The following PLXNA4 variants were observed in gnomAD, a reference collection of about 807,000 sequenced individuals.
PLXNA4 encodes plexin A4, also known as plexin-A4.
Under a neutral mutation model 191.8 loss-of-function variants are expected in PLXNA4, and 44 were observed. The observed-to-expected ratio is 0.23, with a 90% CI of 0.18 to 0.29. PLXNA4 has a LOEUF of 0.29. Ranked by LOEUF, PLXNA4 falls within the 10% of genes least tolerant of loss-of-function variation. The probability of loss-of-function intolerance (pLI) is 1.00; values close to 1 mark genes in which losing one functional copy is unlikely to be tolerated. For synonymous variants in PLXNA4, 1,082 were observed against 1,009.5 expected (o/e 1.07, Z -1.36); for missense variants, 1,800 against 2,488.8 (o/e 0.72, Z 5.89).
chr7:132,189,300 A>T lies in PLXNA4; in HGVS notation c.2857-1693T>A, dbSNP rs559111188. Among the ~76,000 whole-genome samples the T allele has an allele frequency of 3.9e-5, 6 of 152,138 alleles. No homozygotes were observed. In the South Asian group the frequency reaches 8.3e-4, roughly 21 times the overall value. On this transcript the variant is annotated intron_variant, in intron 14 of 31. Transcript: ENST00000321063. Reference sequence around the variant, plus strand: ...TTAGAGTTGTGAGAAGCTATTAATTATTCAAGCCATGCTTCATAAATATTT... The same window carrying T: ...TTAGAGTTGTGAGAAGCTATTAATTTTTCAAGCCATGCTTCATAAATATTT...
At chr7:132,580,367 G>A (rs1216253214), upstream of PLXNA4, among the ~76,000 whole-genome samples, 2 of 152,030 alleles carry the variant, frequency 1.3e-5, no homozygotes, top group African/African-American at 4.8e-5. Flanking sequence ...CCTCTCCCTT[G>A]GTGAGGGCTA....
chr7:132,230,930 C>G (rs1271606677), intron 5 of PLXNA4, among the ~76,000 whole-genome samples: 1 of 152,200 alleles, frequency 6.6e-6, no homozygotes, highest in African/African-American at 2.4e-5. Context: ...GACTCTATCT[C>G]TCTTCCAGGG....
chr7:132,565,158 C>T (rs1801663409), intron 1 of PLXNA4, among the ~76,000 whole-genome samples: 1 of 152,148 alleles, frequency 6.6e-6, no homozygotes, highest in Non-Finnish European at 1.5e-5. Flanking sequence ...CTCACCCAAC[C>T]CTTTAATATG....
At chr7:132,647,284 C>G (rs995089521) in intron 1 of PLXNA4, among the ~76,000 whole-genome samples, 2 of 151,340 alleles carry the variant, frequency 1.3e-5, no homozygotes, top group African/African-American at 4.9e-5. Flanking sequence ...TATACATTCA[C>G]AAACCCACAC....
chr7:132,305,602 C>T (rs1403127634), intron 3 of PLXNA4, among the ~76,000 whole-genome samples: 4 of 152,200 alleles, frequency 2.6e-5, no homozygotes, highest in South Asian at 2.1e-4. Flanking sequence ...ACATCAGCAG[C>T]GTGGCCTCCG....
chr7:132,231,376 C>A (rs1421794036), intron 5 of PLXNA4, among the ~76,000 whole-genome samples: 1 of 152,186 alleles, frequency 6.6e-6, no homozygotes, highest in Admixed American at 6.5e-5. Flanking sequence ...GTAGCTGATG[C>A]AGAACCACAG....
chr7:132,354,529 C>T (rs1381945434), intron 3 of PLXNA4, among the ~76,000 whole-genome samples: 1 of 152,150 alleles, frequency 6.6e-6, no homozygotes, highest in Non-Finnish European at 1.5e-5. Context: ...ATCATCAGCG[C>T]TATTTAGCTC....
At chr7:132,494,700 C>T (rs1316219659) in intron 2 of PLXNA4, among the ~76,000 whole-genome samples, 1 of 152,192 alleles carries the variant, frequency 6.6e-6, no homozygotes, top group African/African-American at 2.4e-5. Flanking sequence ...AATTACGTGT[C>T]GCCACATACA....
At chr7:132,403,437 C>A (rs566992912) in intron 3 of PLXNA4, among the ~76,000 whole-genome samples, 1 of 152,158 alleles carries the variant, frequency 6.6e-6, no homozygotes, top group African/African-American at 2.4e-5. Context: ...AGGCAGGTAA[C>A]GGGAGGGGGC....
chr7:132,619,304 G>T (rs1803214863), intron 2 of PLXNA4, among the ~76,000 whole-genome samples: 1 of 151,982 alleles, frequency 6.6e-6, no homozygotes, highest in African/African-American at 2.4e-5. Flanking sequence ...AATTTTATAT[G>T]GGGACAAGAA....
At chr7:132,468,745 CACACACACACAAT>C (rs1219155260) in intron 3 of PLXNA4, among the ~76,000 whole-genome samples, 1 of 151,964 alleles carries the variant, frequency 6.6e-6, no homozygotes, top group Admixed American at 6.6e-5. Flanking sequence ...CACACACACA[CACACACACACAAT>C]ACACACACAC....
intron 3 of PLXNA4, among the ~76,000 whole-genome samples, chr7:132,482,504 C>G (rs552240510): frequency 6.6e-6 from 1 of 152,254 alleles, no homozygotes; most frequent in East Asian, 1.9e-4. Context: ...CCAGCCAATA[C>G]CATGACCCTA....
At chr7:132,479,611 G>T (rs1463459498) in intron 3 of PLXNA4, among the ~76,000 whole-genome samples, 1 of 152,170 alleles carries the variant, frequency 6.6e-6, no homozygotes, top group Non-Finnish European at 1.5e-5. Flanking sequence ...AGTGGTTTTG[G>T]GGGGAAGAGG....
intron 3 of PLXNA4, among the ~76,000 whole-genome samples, chr7:132,440,473 G>A (rs1465545268): frequency 2.0e-5 from 3 of 152,134 alleles, no homozygotes; most frequent in African/African-American, 7.2e-5. Flanking sequence ...CTGTGGCAGA[G>A]GATAGCAATT....
At chr7:132,185,515 G>A in intron 15 of PLXNA4, 52 bp from the exon 16 acceptor site, 1 of 1,566,954 alleles carries the variant, frequency 6.4e-7, no homozygotes, top group Non-Finnish European at 8.6e-7. Context: ...GGAGGACAGA[G>A]GTCCTGAGTC....
rs1794718011 is a variant in PLXNA4, at chr7:132,124,553, A to G, written c.*5926T>C. The G allele has an allele frequency of 6.6e-6, 1 of 152,266 alleles. No individual in the cohort carries two copies. The highest frequency in any genetic ancestry group is 2.1e-4 in the South Asian group (1 of 4,836). 9.4% of individuals were successfully genotyped at this position (152,266 alleles called of 1,614,324 possible). ...AACAAAGGAAGTTCTAATTCCAAATAAAGAAATTGCTGGAAGAAGAGCTGC... is the reference window on the plus strand; with the variant it reads ...AACAAAGGAAGTTCTAATTCCAAATGAAGAAATTGCTGGAAGAAGAGCTGC... On this transcript the variant is annotated 3_prime_UTR_variant, in exon 32 of 32. Transcript: ENST00000321063.
At chr7:132,380,904 G>A (rs929755778) in intron 3 of PLXNA4, among the ~76,000 whole-genome samples, 2 of 152,212 alleles carry the variant, frequency 1.3e-5, no homozygotes, top group African/African-American at 4.8e-5. Flanking sequence ...AGTAAATTAG[G>A]CAGGATACCA....
rs1800883358 is a variant in PLXNA4, at chr7:132,558,163, C to G, written c.-87+18259G>C. ...TGTCTGCACACAAAAATGCCCAGACCTGGCATGTGGCTAAGTCTACTTGTA... is the reference window on the plus strand; with the variant it reads ...TGTCTGCACACAAAAATGCCCAGACGTGGCATGTGGCTAAGTCTACTTGTA... On this transcript the variant is annotated intron_variant, in intron 1 of 31. Coordinates refer to ENST00000321063, the MANE Select transcript of PLXNA4 (RefSeq NM_020911.2). Among the ~76,000 whole-genome samples, 3 of 152,218 alleles carry G rather than the reference C, an allele frequency of 2.0e-5. No individual in the cohort carries two copies. In the South Asian group the frequency reaches 6.2e-4, roughly 31 times the overall value.
intron 3 of PLXNA4, among the ~76,000 whole-genome samples, chr7:132,462,931 C>A (rs1167468328): frequency 6.7e-6 from 1 of 149,902 alleles, no homozygotes; most frequent in African/African-American, 2.5e-5. Context: ...CTCACTGCAA[C>A]CTCTGCCTGT....
Sources: gnomAD v4.1 joint callset for allele counts (sites outside exome capture counted in the v4.1 genomes callset) on GRCh38, gnomAD v4.1.1 for gene constraint, MANE v1.5 for transcripts, NCBI Gene and HGNC (gene_info 2026-07-23, HGNC 2026-07-21) for gene names.